CCDC192: variants seen among roughly 807,000 people sequenced by gnomAD.
The protein encoded by CCDC192 is coiled-coil domain-containing protein 192.
chr5:127,893,924 T>G (rs1752799552), intron 6 of CCDC192, among the ~76,000 whole-genome samples: 1 of 152,062 alleles, frequency 6.6e-6, no homozygotes, highest in African/African-American at 2.4e-5. Flanking sequence ...AAAAAAAAAT[T>G]TCATTCCAAA....
chr5:127,709,118 A>AGG (rs10694735), intron 2 of CCDC192, among the ~76,000 whole-genome samples: 77,126 of 125,898 alleles, frequency 0.61, 25,071 homozygotes, highest in Non-Finnish European at 0.65. Flanking sequence ...AGAGAGAGAG[A>AGG]GAGAGGGAGA....
chr5:127,709,673 G>A (rs1481143876), intron 2 of CCDC192, among the ~76,000 whole-genome samples: 1 of 152,022 alleles, frequency 6.6e-6, no homozygotes, highest in Non-Finnish European at 1.5e-5. Context: ...AAATTAGTTT[G>A]GTTTCAGTTA....
At chr5:127,939,114 T>TTA (rs1185653991) in intron 6 of CCDC192, among the ~76,000 whole-genome samples, 2 of 128,410 alleles carry the variant, frequency 1.6e-5, no homozygotes, top group African/African-American at 7.2e-5. Flanking sequence ...CAACATCTTT[T>TTA]TTTTTTTTTT....
At chr5:127,709,983 ACAAGGTGCCAATTACCTACT>A (rs1467937789) in intron 2 of CCDC192, among the ~76,000 whole-genome samples, 6 of 152,196 alleles carry the variant, frequency 3.9e-5, no homozygotes, top group African/African-American at 1.4e-4. Flanking sequence ...ACTGAAAAGG[ACAAGGTGCCAATTACCTACT>A]ACCTTTAGGA....
chr5:127,935,775 G>A (rs1447618248), intron 6 of CCDC192, among the ~76,000 whole-genome samples: 1 of 152,162 alleles, frequency 6.6e-6, no homozygotes, highest in Non-Finnish European at 1.5e-5. Flanking sequence ...AAGAGCTGGA[G>A]GGACACCAGT....
chr5:127,914,482 T>C (rs1284715756), intron 6 of CCDC192, among the ~76,000 whole-genome samples: 1 of 152,136 alleles, frequency 6.6e-6, no homozygotes, highest in Non-Finnish European at 1.5e-5. Context: ...TGCTGCCAAA[T>C]GAATTGAGAT....
intron 5 of CCDC192, among the ~76,000 whole-genome samples, chr5:127,812,484 C>T (rs1477953608): frequency 6.6e-6 from 1 of 152,106 alleles, no homozygotes; most frequent in African/African-American, 2.4e-5. Context: ...GCTATTGTTG[C>T]CTTGTCCTGA....
chr5:127,790,371 T>C (rs1418197071), intron 3 of CCDC192, among the ~76,000 whole-genome samples: 3 of 152,230 alleles, frequency 2.0e-5, no homozygotes, highest in Non-Finnish European at 4.4e-5. Context: ...TGGGTACATA[T>C]AATATTTTGA....
At chr5:127,879,174 T>A (rs1561536552) in intron 6 of CCDC192, among the ~76,000 whole-genome samples, 1 of 152,110 alleles carries the variant, frequency 6.6e-6, no homozygotes, top group Non-Finnish European at 1.5e-5. Flanking sequence ...TCACACTACC[T>A]GACTTCAAAC....
intron 2 of CCDC192, among the ~76,000 whole-genome samples, chr5:127,746,748 G>A (rs1050747253): frequency 6.6e-6 from 1 of 152,038 alleles, no homozygotes; most frequent in Non-Finnish European, 1.5e-5. Flanking sequence ...AAACTTTTGA[G>A]GGTGAGTATG....
chr5:127,901,476 A>G (rs1365813345), intron 6 of CCDC192, among the ~76,000 whole-genome samples: 1 of 152,244 alleles, frequency 6.6e-6, no homozygotes, highest in Non-Finnish European at 1.5e-5. Flanking sequence ...GGTTTAGAGA[A>G]GTAGAAAAAT....
intron 3 of CCDC192, chr5:127,785,022 T>C (rs1756457753): frequency 6.3e-6 from 3 of 479,764 alleles, no homozygotes; most frequent in South Asian, 4.7e-5. Flanking sequence ...ATAAAATCTG[T>C]AGGACTTATG....
At chr5:127,723,299 T>A (rs767104041) in intron 2 of CCDC192, among the ~76,000 whole-genome samples, 4 of 152,120 alleles carry the variant, frequency 2.6e-5, no homozygotes, top group Non-Finnish European at 4.4e-5. Flanking sequence ...TTTTTGTATG[T>A]TGATTTTGTA....
intron 5 of CCDC192, among the ~76,000 whole-genome samples, chr5:127,817,218 C>A (rs887163365): frequency 2.0e-5 from 3 of 152,094 alleles, no homozygotes; most frequent in African/African-American, 7.2e-5. Flanking sequence ...TTTAGTGAGT[C>A]TTAGGTTCAC....
intron 5 of CCDC192, among the ~76,000 whole-genome samples, chr5:127,805,655 C>G (rs941034899): frequency 6.6e-6 from 1 of 152,126 alleles, no homozygotes; most frequent in Non-Finnish European, 1.5e-5. Flanking sequence ...CTAAATGGAA[C>G]ATTCCTCAGT....
intron 5 of CCDC192, among the ~76,000 whole-genome samples, chr5:127,867,503 T>C (rs1383541000): frequency 6.6e-6 from 1 of 152,198 alleles, no homozygotes; most frequent in African/African-American, 2.4e-5. Flanking sequence ...AATGATACTA[T>C]ACCAACAACT....
At chr5:127,875,718 G>A in intron 6 of CCDC192, 57 bp downstream of exon 6, 1 of 397,434 alleles carries the variant, frequency 2.5e-6, no homozygotes, top group Non-Finnish European at 4.4e-6. Flanking sequence ...GATGTATGTA[G>A]TTGTATTGGC....
chr5:127,933,484 T>C (rs968520369), intron 6 of CCDC192, among the ~76,000 whole-genome samples: 9 of 152,224 alleles, frequency 5.9e-5, no homozygotes, highest in Non-Finnish European at 1.0e-4. Flanking sequence ...TGTATTTCTC[T>C]TGGTCTGCTT....
chr5:127,793,818 G>C (rs144220874), intron 3 of CCDC192, among the ~76,000 whole-genome samples: 1 of 152,210 alleles, frequency 6.6e-6, no homozygotes, highest in East Asian at 1.9e-4. Context: ...TCAAGAGCAT[G>C]GAATCTTAGA....
Sources: allele counts gnomAD v4.1 joint callset (sites outside exome capture counted in the v4.1 genomes callset), GRCh38; gene constraint gnomAD v4.1.1; transcripts MANE v1.5; gene names NCBI Gene and HGNC (gene_info 2026-07-23, HGNC 2026-07-21).